Variants in PSMB7 observed in about 807,000 individuals in gnomAD.
PSMB7 encodes the protein proteasome 20S subunit beta 7.
A neutral mutation model predicts 28.1 loss-of-function variants in PSMB7; 5 were observed. The ratio of observed to expected loss-of-function variants is 0.18; its 90% CI spans 0.09 to 0.37. The LOEUF (loss-of-function observed/expected upper bound fraction) is 0.37. Ranked by LOEUF, PSMB7 falls within the 10% of genes least tolerant of loss-of-function variation. PSMB7 has a pLI of 1.00. For synonymous variants in PSMB7, 122 were observed against 123.7 expected, an observed-to-expected ratio of 0.99 and a Z score of 0.09; for missense variants, 275 against 346.2, an observed-to-expected ratio of 0.79 and a Z score of 1.63.
intron 6 of PSMB7, among the ~76,000 whole-genome samples, 173 bp downstream of exon 6, chr9:124,384,425 C>T (rs1168134066): frequency 6.6e-6 from 1 of 152,208 alleles, no homozygotes. Flanking sequence ...CACAGCTGGG[C>T]CACTACAAAA....
At position 124,402,225 on chromosome 9, in the gene PSMB7, C is replaced by G. The variant is rs1564685495; in HGVS notation, c.511+3092G>C. ...AGAGCTGTGGACCCATCACCCGGAA[C>G]TCAAATGAGACTTGGACAGACAGGA... On this transcript the variant is annotated intron_variant, in intron 5 of 7. Transcript: ENST00000259457. 2.0e-5 allele frequency among the ~76,000 whole-genome samples: 3 copies of G among 152,164 alleles called. No homozygotes were observed. The South Asian group carries it at 6.2e-4, about 32-fold the overall frequency.
At chr9:124,387,195 C>G (rs760469511) in intron 5 of PSMB7, among the ~76,000 whole-genome samples, 2 of 152,052 alleles carry the variant, frequency 1.3e-5, no homozygotes, top group African/African-American at 2.4e-5. Context: ...GCAGTGAGCC[C>G]AGATCGCGCA....
At chr9:124,377,176 C>T (rs529487496) in intron 6 of PSMB7, among the ~76,000 whole-genome samples, 1 of 152,292 alleles carries the variant, frequency 6.6e-6, no homozygotes, top group South Asian at 2.1e-4. Flanking sequence ...GGTGTTTTTA[C>T]AGGCCGCATC....
intron 6 of PSMB7, among the ~76,000 whole-genome samples, chr9:124,369,569 A>T (rs925923302): frequency 1.3e-5 from 2 of 152,196 alleles, no homozygotes; most frequent in Non-Finnish European, 2.9e-5. Flanking sequence ...CTTATCTCAC[A>T]TTGAAGAGCG....
intron 6 of PSMB7, among the ~76,000 whole-genome samples, chr9:124,374,435 AT>A (rs1387342642): frequency 2.6e-5 from 4 of 152,274 alleles, no homozygotes; most frequent in Non-Finnish European, 4.4e-5. Flanking sequence ...AGAACTAGGT[AT>A]CCCACACTTT....
At chr9:124,379,939 C>A (rs968846803) in intron 6 of PSMB7, among the ~76,000 whole-genome samples, 2 of 152,208 alleles carry the variant, frequency 1.3e-5, no homozygotes, top group Non-Finnish European at 2.9e-5. Context: ...CATACTGAAC[C>A]TCAGGAGCTA....
At chr9:124,378,097 C>G (rs1287007052) in intron 6 of PSMB7, among the ~76,000 whole-genome samples, 1 of 152,230 alleles carries the variant, frequency 6.6e-6, no homozygotes, top group East Asian at 1.9e-4. Flanking sequence ...TAGGGCACAG[C>G]AGCTGCCACT....
intron 4 of PSMB7, among the ~76,000 whole-genome samples, chr9:124,409,346 G>A (rs953676264): frequency 1.3e-5 from 2 of 152,122 alleles, no homozygotes; most frequent in African/African-American, 4.8e-5. Context: ...TACAATATAA[G>A]AGTCTCTACG....
chr9:124,410,729 A>G (rs1831019981), intron 4 of PSMB7, among the ~76,000 whole-genome samples: 2 of 152,160 alleles, frequency 1.3e-5, no homozygotes, highest in Admixed American at 6.5e-5. Flanking sequence ...GTAAAATGGG[A>G]ACTATACTAC....
At chr9:124,411,881 G>C (rs535437030) in intron 4 of PSMB7, among the ~76,000 whole-genome samples, 46 of 152,096 alleles carry the variant, frequency 3.0e-4, no homozygotes, top group South Asian at 1.0e-3. Context: ...GGTAGATAAA[G>C]GTTGGTTAAT....
rs963633223 is a variant in PSMB7, at chr9:124,386,948, T to C, written c.512-2292A>G. Among the ~76,000 whole-genome samples, 9 of 152,332 alleles carry C rather than the reference T, an allele frequency of 5.9e-5. No individual in the cohort carries two copies. In the East Asian group the frequency reaches 1.3e-3, roughly 23 times the overall value. On this transcript the variant is annotated intron_variant, in intron 5 of 7. Transcript: ENST00000259457. ...ATTTCCCTCCCCAAATAATTATTTC[T>C]TTAAAACCTTTTTCCTGGCCGGGCG...
chr9:124,394,994 A>G (rs1485528672), intron 5 of PSMB7, among the ~76,000 whole-genome samples: 1 of 152,178 alleles, frequency 6.6e-6, no homozygotes, highest in Non-Finnish European at 1.5e-5. Context: ...TGCCAGAGAA[A>G]TCTTGACACA....
At chr9:124,386,019 G>A (rs1050648377) in intron 5 of PSMB7, among the ~76,000 whole-genome samples, 5 of 151,920 alleles carry the variant, frequency 3.3e-5, no homozygotes, top group East Asian at 1.9e-4. Flanking sequence ...TCACAGTACC[G>A]GATACATCAC....
intron 7 of PSMB7, among the ~76,000 whole-genome samples, chr9:124,355,999 T>C (rs1303885929): frequency 1.3e-5 from 2 of 152,076 alleles, no homozygotes; most frequent in African/African-American, 4.8e-5. Context: ...GTGGGAGCCG[T>C]AGTTTATAAA....
chr9:124,414,408 G>A (rs940503925), intron 2 of PSMB7, among the ~76,000 whole-genome samples: 2 of 151,990 alleles, frequency 1.3e-5, no homozygotes, highest in African/African-American at 4.8e-5. Flanking sequence ...CCCTTTTGAC[G>A]TTTCCAACAA....
At chr9:124,404,689 T>G (rs1286206525) in intron 5 of PSMB7, among the ~76,000 whole-genome samples, 1 of 151,960 alleles carries the variant, frequency 6.6e-6, no homozygotes, top group African/African-American at 2.4e-5. Context: ...CCATCTCTAC[T>G]AAAACTACAA....
Position 124,413,947 on chromosome 9 carries a change from T to C in PSMB7, c.215A>G (p.Lys72Arg), listed in dbSNP as rs1831058116. Reference sequence around the variant, plus strand: ...TATGAAGTGTATTTTTGAACAGTTCTTGTCAGCAACAACCATCCCTTCAGT... The same window carrying C: ...TATGAAGTGTATTTTTGAACAGTTCCTGTCAGCAACAACCATCCCTTCAGT... ...RATEGMVVAD[K>R]NCSKIHFISP... The change falls in exon 3 of 8, where the codon AAG becomes AGG. Residue 72 changes from lysine to arginine, a missense_variant. Transcript: ENST00000259457. 6.2e-7 allele frequency: 1 copy of C among 1,613,170 alleles called. No individual in the cohort carries two copies. Among genetic ancestry groups the C allele is most frequent in the Non-Finnish European group, 8.5e-7 (1 of 1,179,458 alleles).
chr9:124,387,751 G>T (rs1830741117), intron 5 of PSMB7, among the ~76,000 whole-genome samples: 1 of 152,168 alleles, frequency 6.6e-6, no homozygotes, highest in Admixed American at 6.6e-5. Flanking sequence ...CAGGTTTGTA[G>T]ATACCTCTGA....
At chr9:124,386,417 T>C (rs1036467714) in intron 5 of PSMB7, among the ~76,000 whole-genome samples, 2 of 152,242 alleles carry the variant, frequency 1.3e-5, no homozygotes, top group African/African-American at 4.8e-5. Context: ...AGTTGCTGTT[T>C]TCAGGCCCAG....
Sources: allele counts gnomAD v4.1 joint callset (sites outside exome capture counted in the v4.1 genomes callset), GRCh38; gene constraint gnomAD v4.1.1; transcripts MANE v1.5; gene names NCBI Gene and HGNC (gene_info 2026-07-23, HGNC 2026-07-21).